RBMS1: variants seen among roughly 807,000 people sequenced by gnomAD.
RBMS1 encodes RNA-binding motif, single-stranded-interacting protein 1.
A neutral mutation model predicts 62.3 loss-of-function variants in RBMS1; 17 were observed. The observed-to-expected ratio is 0.27, with a 90% CI of 0.19 to 0.41. The LOEUF is 0.41. Among genes scored for constraint, RBMS1 ranks in the 10% least tolerant of loss-of-function variants. The probability of loss-of-function intolerance (pLI) is 1.00; values close to 1 mark genes in which losing one functional copy is unlikely to be tolerated. For missense variants in RBMS1, 334 were observed against 504.5 expected, an observed-to-expected ratio of 0.66 and a Z score of 3.24; for synonymous variants, 172 against 170.0, an observed-to-expected ratio of 1.01 and a Z score of -0.09.
At chr2:160,416,762 T>C (rs1211318072) in intron 1 of RBMS1, among the ~76,000 whole-genome samples, 1 of 152,150 alleles carries the variant, frequency 6.6e-6, no homozygotes, top group African/African-American at 2.4e-5. Context: ...CAATAAATCT[T>C]TCAGTAATTG....
At chr2:160,338,000 T>C (rs1250557745) in intron 2 of RBMS1, among the ~76,000 whole-genome samples, 2 of 152,110 alleles carry the variant, frequency 1.3e-5, no homozygotes, top group Non-Finnish European at 2.9e-5. Flanking sequence ...CTGGGAACAA[T>C]GTCCCAGTTA....
chr2:160,407,564 G>A (rs1017279051), intron 1 of RBMS1: 1 of 983,884 alleles, frequency 1.0e-6, no homozygotes. Flanking sequence ...GTGCGGGCGC[G>A]GGCGCGGGCG....
chr2:160,442,518 A>T (rs1683451551), intron 1 of RBMS1, among the ~76,000 whole-genome samples: 3 of 152,236 alleles, frequency 2.0e-5, no homozygotes, highest in African/African-American at 7.2e-5. Flanking sequence ...TAGTAGAACT[A>T]GCCATCCCAA....
At chr2:160,450,115 C>T (rs1683901438) in intron 1 of RBMS1, among the ~76,000 whole-genome samples, 1 of 152,204 alleles carries the variant, frequency 6.6e-6, no homozygotes, top group African/African-American at 2.4e-5. Flanking sequence ...TGCTGCCATC[C>T]TGAATGACAA....
At chr2:160,433,644 C>T (rs779165117) in intron 1 of RBMS1, among the ~76,000 whole-genome samples, 3 of 152,144 alleles carry the variant, frequency 2.0e-5, no homozygotes, top group African/African-American at 4.8e-5. Flanking sequence ...AATAGGCTTC[C>T]GTTATGAAAG....
chr2:160,364,575 C>T (rs993595954), intron 2 of RBMS1, among the ~76,000 whole-genome samples: 2 of 152,172 alleles, frequency 1.3e-5, no homozygotes, highest in African/African-American at 2.4e-5. Flanking sequence ...GTGGGGCTGC[C>T]TTTCCCTGTC....
chr2:160,369,693 G>C (rs191920059), intron 1 of RBMS1, among the ~76,000 whole-genome samples: 33 of 152,270 alleles, frequency 2.2e-4, no homozygotes, highest in African/African-American at 7.9e-4. Context: ...AGAAGCTGTG[G>C]ATCAGGCCCG....
chr2:160,340,002 G>A (rs1432288032), intron 2 of RBMS1, among the ~76,000 whole-genome samples: 1 of 152,162 alleles, frequency 6.6e-6, no homozygotes, highest in African/African-American at 2.4e-5. Flanking sequence ...GCTCTGTTGT[G>A]TAGACCTTAA....
intron 1 of RBMS1, among the ~76,000 whole-genome samples, chr2:160,383,457 G>GT (rs1559479834): frequency 1.7e-4 from 26 of 150,676 alleles, no homozygotes; most frequent in African/African-American, 6.3e-4. Flanking sequence ...ATGAATTGGG[G>GT]GGGGGGGAAC....
At chr2:160,390,074 C>G (rs1439314829) in intron 1 of RBMS1, among the ~76,000 whole-genome samples, 1 of 152,184 alleles carries the variant, frequency 6.6e-6, no homozygotes, top group Non-Finnish European at 1.5e-5. Context: ...CTCCCATTCC[C>G]TAGAGGTAAC....
chr2:160,382,443 C>T (rs1343737435), intron 1 of RBMS1, among the ~76,000 whole-genome samples: 1 of 152,194 alleles, frequency 6.6e-6, no homozygotes, highest in Admixed American at 6.5e-5. Context: ...CAAATTATGA[C>T]TGATAGCAAG....
intron 2 of RBMS1, among the ~76,000 whole-genome samples, chr2:160,328,678 G>A (rs1327846586): frequency 2.0e-5 from 3 of 152,048 alleles, no homozygotes; most frequent in Non-Finnish European, 4.4e-5. Context: ...CAACACCACG[G>A]AAACAAAACT....
intron 1 of RBMS1, among the ~76,000 whole-genome samples, chr2:160,442,652 C>T (rs1026717343): frequency 7.9e-5 from 12 of 152,120 alleles, no homozygotes; most frequent in Non-Finnish European, 1.5e-4. Flanking sequence ...TAAAAAGACT[C>T]TTAGGTTCTA....
At chr2:160,451,069 T>C (rs1424997186) in intron 1 of RBMS1, among the ~76,000 whole-genome samples, 1 of 151,316 alleles carries the variant, frequency 6.6e-6, no homozygotes, top group Non-Finnish European at 1.5e-5. Flanking sequence ...AGTGGGAGGA[T>C]CCCTTGAGCC....
chr2:160,424,828 G>A (rs1011625923), intron 1 of RBMS1, among the ~76,000 whole-genome samples: 1 of 151,952 alleles, frequency 6.6e-6, no homozygotes, highest in African/African-American at 2.4e-5. Context: ...ACTCTTTCTT[G>A]GTATTTATTT....
At chr2:160,333,263 CTAATAA>C (rs1008993213) in intron 2 of RBMS1, among the ~76,000 whole-genome samples, 37 of 152,158 alleles carry the variant, frequency 2.4e-4, no homozygotes, top group Middle Eastern at 3.4e-3. Flanking sequence ...TATTGTGATC[CTAATAA>C]TAATAATTCC....
At chr2:160,423,221 T>A (rs570664296) in intron 1 of RBMS1, among the ~76,000 whole-genome samples, 7 of 96,056 alleles carry the variant, frequency 7.3e-5, no homozygotes, top group African/African-American at 2.2e-4. Flanking sequence ...CTTTTCTTTT[T>A]TTCTTTCAAT....
At chr2:160,486,209 A>G (rs112751028) in intron 1 of RBMS1, among the ~76,000 whole-genome samples, 1,560 of 152,290 alleles carry the variant, frequency 0.01, 31 homozygotes, top group African/African-American at 0.034. Flanking sequence ...ATAGTATAGT[A>G]TTATTTGAGG....
intron 2 of RBMS1, among the ~76,000 whole-genome samples, chr2:160,332,190 T>A (rs1691313505): frequency 6.6e-6 from 1 of 152,188 alleles, no homozygotes; most frequent in Non-Finnish European, 1.5e-5. Flanking sequence ...GGCTTTGATA[T>A]CCCTGCTTTG....
Sources: gnomAD v4.1 joint callset for allele counts (sites outside exome capture counted in the v4.1 genomes callset) on GRCh38, gnomAD v4.1.1 for gene constraint, MANE v1.5 for transcripts, NCBI Gene and HGNC (gene_info 2026-07-23, HGNC 2026-07-21) for gene names.